CADPS2: variants seen among roughly 807,000 people sequenced by gnomAD.
The protein encoded by CADPS2 is calcium dependent secretion activator 2.
CADPS2 carries 93 observed loss-of-function variants against 172.5 expected under a neutral mutation model. The observed-to-expected ratio is 0.54, with a 90% CI of 0.46 to 0.64. The LOEUF (loss-of-function observed/expected upper bound fraction) is 0.64, where lower values mean the gene tolerates loss of function less well. CADPS2 is among the 30% of genes least tolerant of loss of function. The pLI, the probability that CADPS2 is intolerant of heterozygous loss-of-function variation, is 0.00. For synonymous variants in CADPS2, 546 were observed against 555.2 expected (o/e 0.98, Z 0.23); for missense variants, 1,420 against 1,565.9 (o/e 0.91, Z 1.57).
chr7:122,692,308 A>G (rs372410029), intron 2 of CADPS2, among the ~76,000 whole-genome samples: 6 of 152,272 alleles, frequency 3.9e-5, no homozygotes, highest in African/African-American at 1.4e-4. Context: ...TTGGTGCCCA[A>G]CAGCTACTCA....
At chr7:122,338,009 G>A (rs988163755) in intron 28 of CADPS2, among the ~76,000 whole-genome samples, 2 of 152,208 alleles carry the variant, frequency 1.3e-5, no homozygotes, top group African/African-American at 4.8e-5. Flanking sequence ...ATAAGACACT[G>A]CTGCTATCAT....
At chr7:122,492,687 T>C (rs1454248827) in intron 9 of CADPS2, among the ~76,000 whole-genome samples, 1 of 151,926 alleles carries the variant, frequency 6.6e-6, no homozygotes, top group Admixed American at 6.6e-5. Flanking sequence ...GATAGTTTGG[T>C]TAGTGTATTT....
At chr7:122,450,013 T>C (rs1344690685) in intron 15 of CADPS2, among the ~76,000 whole-genome samples, 1 of 152,042 alleles carries the variant, frequency 6.6e-6, no homozygotes, top group African/African-American at 2.4e-5. Flanking sequence ...TTCAATATCA[T>C]TTAAAAAAAT....
intron 8 of CADPS2, among the ~76,000 whole-genome samples, chr7:122,520,717 T>C (rs78435752): frequency 9.2e-4 from 140 of 152,284 alleles, no homozygotes; most frequent in African/African-American, 3.2e-3. Flanking sequence ...GTTCAAAGAA[T>C]ACTTCAACAC....
chr7:122,674,997 T>C (rs541063815), intron 2 of CADPS2, among the ~76,000 whole-genome samples: 1 of 152,366 alleles, frequency 6.6e-6, no homozygotes, highest in East Asian at 1.9e-4. Flanking sequence ...AGAAATCAAA[T>C]AATTTTGGTT....
At chr7:122,407,435 C>A (rs6964703) in intron 20 of CADPS2, 105 bp downstream of exon 20, 8 of 1,231,342 alleles carry the variant, frequency 6.5e-6, no homozygotes, top group Non-Finnish European at 7.8e-6. Context: ...GTTACCCATG[C>A]GAACTCTTGT....
chr7:122,379,176 C>CA (rs1053316672), intron 25 of CADPS2, 192 bp downstream of exon 25: 8 of 421,230 alleles, frequency 1.9e-5, no homozygotes, highest in Middle Eastern at 6.8e-4. Context: ...TTATTATATA[C>CA]AAAAAAACAA....
At chr7:122,474,900 C>A (rs2056449507) in intron 12 of CADPS2, among the ~76,000 whole-genome samples, 1 of 152,156 alleles carries the variant, frequency 6.6e-6, no homozygotes. Context: ...TAGGAGTCTG[C>A]TTTCCAAATG....
At chr7:122,792,935 T>C (rs948772742) in intron 1 of CADPS2, among the ~76,000 whole-genome samples, 2 of 152,158 alleles carry the variant, frequency 1.3e-5, no homozygotes, top group Non-Finnish European at 2.9e-5. Context: ...AACTACATAT[T>C]TGTACAAATT....
At chr7:122,362,459 A>AATT (rs543904928) in intron 25 of CADPS2, among the ~76,000 whole-genome samples, 149 of 152,296 alleles carry the variant, frequency 9.8e-4, no homozygotes, top group African/African-American at 3.3e-3. Flanking sequence ...TTAGTCTCAA[A>AATT]AGTGGTTTAC....
chr7:122,807,432 A>C (rs1437901617), intron 1 of CADPS2, among the ~76,000 whole-genome samples: 1 of 152,190 alleles, frequency 6.6e-6, no homozygotes, highest in African/African-American at 2.4e-5. Context: ...ACTGGAAAGT[A>C]TGGACCAACT....
At chr7:122,650,892 T>C (rs971685354) in intron 3 of CADPS2, among the ~76,000 whole-genome samples, 3 of 151,682 alleles carry the variant, frequency 2.0e-5, no homozygotes, top group Non-Finnish European at 4.4e-5. Context: ...ATTTAACACA[T>C]ATATAAATAT....
At chr7:122,535,390 T>C (rs991566722) in intron 8 of CADPS2, among the ~76,000 whole-genome samples, 24 of 152,090 alleles carry the variant, frequency 1.6e-4, no homozygotes, top group Admixed American at 2.0e-4. Context: ...TTTAATGTGA[T>C]AGATTCTTCA....
At chr7:122,839,867 T>C (rs1010485044) in intron 1 of CADPS2, among the ~76,000 whole-genome samples, 5 of 152,212 alleles carry the variant, frequency 3.3e-5, no homozygotes, top group African/African-American at 1.2e-4. Flanking sequence ...TGGAAGACAG[T>C]GTGGCAATTC....
At chr7:122,734,925 C>T (rs1301978479) in intron 2 of CADPS2, among the ~76,000 whole-genome samples, 1 of 152,026 alleles carries the variant, frequency 6.6e-6, no homozygotes, top group Non-Finnish European at 1.5e-5. Flanking sequence ...TATAGAAAAA[C>T]CCTCGGTCAC....
At chr7:122,482,217 T>A (rs1331282125) in intron 11 of CADPS2, among the ~76,000 whole-genome samples, 3 of 151,952 alleles carry the variant, frequency 2.0e-5, no homozygotes, top group Non-Finnish European at 4.4e-5. Context: ...TAAAAAAAAA[T>A]AGTTATTAAG....
At chr7:122,632,218 C>T (rs907560217) in intron 3 of CADPS2, among the ~76,000 whole-genome samples, 1 of 152,202 alleles carries the variant, frequency 6.6e-6, no homozygotes, top group East Asian at 1.9e-4. Context: ...TGGGTACATA[C>T]CCAGTAGTAG....
intron 1 of CADPS2, among the ~76,000 whole-genome samples, chr7:122,829,845 G>A (rs995535738): frequency 5.9e-5 from 9 of 151,970 alleles, no homozygotes; most frequent in African/African-American, 2.2e-4. Context: ...TATCTCAAAA[G>A]TCACCAATCA....
At chr7:122,811,823 C>T (rs1800084383) in intron 1 of CADPS2, among the ~76,000 whole-genome samples, 1 of 151,900 alleles carries the variant, frequency 6.6e-6, no homozygotes, top group African/African-American at 2.4e-5. Flanking sequence ...TTCTTAGACA[C>T]GGAGATAAAG....
Sources: gnomAD v4.1 joint callset for allele counts (sites outside exome capture counted in the v4.1 genomes callset) on GRCh38, gnomAD v4.1.1 for gene constraint, MANE v1.5 for transcripts, NCBI Gene and HGNC (gene_info 2026-07-23, HGNC 2026-07-21) for gene names.